ZEB2: variants seen among roughly 807,000 people sequenced by gnomAD.
ZEB2 encodes zinc finger E-box-binding homeobox 2.
ZEB2 carries 6 observed loss-of-function variants against 99.9 expected under a neutral mutation model. That is an observed-to-expected ratio of 0.06 (90% CI 0.03 to 0.12). ZEB2 has a LOEUF of 0.12. ZEB2 is among the 10% of genes least tolerant of loss of function. The probability of loss-of-function intolerance (pLI) is 1.00; values close to 1 mark genes in which losing one functional copy is unlikely to be tolerated. For missense variants in ZEB2, 969 were observed against 1,502.8 expected, an observed-to-expected ratio of 0.64 and a Z score of 5.87; for synonymous variants, 517 against 542.5, an observed-to-expected ratio of 0.95 and a Z score of 0.65.
In ZEB2 at chr2:144,404,963, T is replaced by A. The variant is rs1389589538; in HGVS notation, c.465A>T (p.Glu155Asp). 3 of 1,614,128 alleles carry A rather than the reference T, an allele frequency of 1.9e-6. No individual in the cohort carries two copies. Among genetic ancestry groups the A allele is most frequent in the East Asian group, 4.5e-5 (2 of 44,900 alleles). Residue 155 changes from glutamate (E) to aspartate (D), a missense_variant, in exon 5 of 10, where the codon GAA (glutamate) becomes GAT (aspartate). Glu to Asp is a conservative substitution (Grantham distance 45, BLOSUM62 2). Around this residue, in one of 8 missense-constraint regions of ZEB2, gnomAD observed 173 missense variants for 217.7 expected, o/e 0.79. Coordinates refer to ENST00000627532, the MANE Select transcript of ZEB2 (RefSeq NM_014795.4). ...CGATGCTGACTGCATGACCATCGCG[T>A]TCCTCCAGTTTTCTTTTGGCAAAGT... ...EEYFAKRKLE[E>D]RDGHAVSIEE...
rs1049356862 is a variant in ZEB2 at position 144,404,482 on chromosome 2, G to T, written c.593-352C>A. On this transcript the variant is annotated intron_variant, in intron 5 of 9. Transcript: ENST00000627532. ...TTACTCAGGAACTCACAGTGTGAAG[G>T]GGCGTTTCAGGTGTCGGTGGAGAAG... Among the ~76,000 whole-genome samples the T allele has an allele frequency of 2.0e-5, 3 of 152,034 alleles. No individual in the cohort carries two copies. The East Asian group carries it at 5.8e-4, about 29-fold the overall frequency.
intron 2 of ZEB2, among the ~76,000 whole-genome samples, chr2:144,445,522 G>T (rs1703971826): frequency 6.6e-6 from 1 of 151,984 alleles, no homozygotes; most frequent in South Asian, 2.1e-4. Flanking sequence ...TAGTTAAGCT[G>T]ATTACAGATA....
In ZEB2 at chr2:144,443,861, T is replaced by TA. The variant is rs78597039; in HGVS notation, c.74-13836dup. 3.0e-3 allele frequency among the ~76,000 whole-genome samples: 431 copies of TA among 142,828 alleles called. 1 individual carries two copies. Among genetic ancestry groups the TA allele is most frequent in the East Asian group, 9.4e-3 (47 of 4,994 alleles). 93.7% of individuals were successfully genotyped at this position (142,828 alleles called of 152,430 possible). ...AAGCAAGCTTTCTTGAAAATGTATT[T>TA]AAAAAAAAAAAAACAGTTTGTACTG... On this transcript the variant is annotated intron_variant, in intron 2 of 9. Transcript: ENST00000627532.
intron 2 of ZEB2, among the ~76,000 whole-genome samples, 166 bp downstream of exon 2, chr2:144,517,112 C>A (rs990681412): frequency 5.2e-4 from 79 of 150,638 alleles, no homozygotes; most frequent in Admixed American, 3.2e-3. Context: ...CCGGTCCAGC[C>A]GCCGCGCGCG....
chr2:144,439,133 GAAAAAAA>G (rs1174940162), intron 2 of ZEB2, among the ~76,000 whole-genome samples: 19 of 79,682 alleles, frequency 2.4e-4, no homozygotes, highest in African/African-American at 6.7e-4. Flanking sequence ...CTGGGAGGAA[GAAAAAAA>G]AAAAAAAAAA....
intron 4 of ZEB2, among the ~76,000 whole-genome samples, chr2:144,423,800 G>A (rs1214291211): frequency 6.6e-6 from 1 of 152,122 alleles, no homozygotes; most frequent in Non-Finnish European, 1.5e-5. Flanking sequence ...AACACAACAT[G>A]AGCAGTCTAT....
At chr2:144,424,358 G>A (rs534383333) in intron 4 of ZEB2, 36 of 518,348 alleles carry the variant, frequency 6.9e-5, no homozygotes, top group Non-Finnish European at 1.2e-4. Context: ...AGAAATGTTC[G>A]TGGAAATTTG....
rs1703057711 is a variant in ZEB2 at position 144,384,704 on chromosome 2, A to C, written c.*4747T>G. The C allele has an allele frequency of 6.6e-6, 1 of 152,028 alleles. No homozygotes were observed. Among genetic ancestry groups the C allele is most frequent in the South Asian group, 2.1e-4 (1 of 4,834 alleles). 9.4% of individuals were successfully genotyped at this position (152,028 alleles called of 1,614,324 possible). The stretch of plus-strand genomic sequence containing the variant: ...CTGCATGATTTACTAAATATGTACA[A>C]TTTCAATTCACAGCGAAGGTAACAA... On this transcript the variant is annotated 3_prime_UTR_variant, in exon 10 of 10. Transcript: ENST00000627532.
At chr2:144,440,763 A>G (rs2149895782) in intron 2 of ZEB2, among the ~76,000 whole-genome samples, 1 of 151,824 alleles carries the variant, frequency 6.6e-6, no homozygotes, top group East Asian at 1.9e-4. Context: ...CATTTTACAA[A>G]AGGATCCTGA....
intron 2 of ZEB2, among the ~76,000 whole-genome samples, chr2:144,479,805 T>C (rs1704484537): frequency 6.6e-6 from 1 of 152,094 alleles, no homozygotes; most frequent in Admixed American, 6.6e-5. Context: ...CAGTTTTTCT[T>C]TTCCCACGCT....
In ZEB2 at chr2:144,447,453, G is replaced by A. The variant is rs143411763; in HGVS notation, c.74-17427C>T. ...GATTTTGTTGAGGGCCTACAAATAT[G>A]CTCTTTATTATTTATTATTATCCCT... On this transcript the variant is annotated intron_variant, in intron 2 of 9. Transcript: ENST00000627532. Among the ~76,000 whole-genome samples, 15 of 152,166 alleles carry A rather than the reference G, an allele frequency of 9.9e-5. No individual in the cohort carries two copies. In the East Asian group the frequency reaches 2.7e-3, roughly 27 times the overall value.
At chr2:144,405,896 A>C (rs1483994318) in intron 4 of ZEB2, among the ~76,000 whole-genome samples, 1 of 152,252 alleles carries the variant, frequency 6.6e-6, no homozygotes, top group African/African-American at 2.4e-5. Flanking sequence ...TTCTGAAATA[A>C]GATGTGGCTT....
intron 1 of ZEB2, among the ~76,000 whole-genome samples, chr2:144,519,016 G>A (rs960064199): frequency 1.3e-5 from 2 of 152,124 alleles, no homozygotes; most frequent in African/African-American, 4.8e-5. Context: ...ATCAGTAGGT[G>A]GGAGATAAAC....
Position 144,399,096 on chromosome 2 carries a change from G to C in ZEB2, c.2091C>G (p.Val697=), listed in dbSNP as rs1368764692. The change falls in exon 8 of 10, where the codon GTC becomes GTG. Residue 697 remains valine, a synonymous_variant. Transcript: ENST00000627532. This position sits in a 1 kb window ranked among gnomAD's most constrained non-coding sequence, Gnocchi z 5.6. The part of the protein sequence containing the change: ...FVKEWFEQRK[V]YQYSNSRSPS... ...GGGACCTGGAATTTGAGTACTGGTA[G>C]ACTTTTCGTTGTTCAAACCATTCCT... The C allele has an allele frequency of 6.2e-7, 1 of 1,614,150 alleles. No individual in the cohort carries two copies. Among genetic ancestry groups the C allele is most frequent in the Non-Finnish European group, 8.5e-7 (1 of 1,180,024 alleles).
At chr2:144,513,330 T>G in intron 2 of ZEB2, 1 of 1,301,336 alleles carries the variant, frequency 7.7e-7, no homozygotes, top group Non-Finnish European at 1.0e-6. Context: ...AACATTCAAC[T>G]TGATCCCTGT....
chr2:144,397,816 T>C, intron 8 of ZEB2: 1 of 265,216 alleles, frequency 3.8e-6, no homozygotes, highest in Non-Finnish European at 7.5e-6. Context: ...AATTTTTGTA[T>C]TTTTAGGACA....
chr2:144,517,321 G>A lies in ZEB2; in HGVS notation c.30C>T (p.Pro10=), dbSNP rs747483109. The A allele has an allele frequency of 3.7e-6, 6 of 1,613,602 alleles. No homozygotes were observed. The highest frequency in any genetic ancestry group is 1.7e-5 in the Admixed American group (1 of 60,018). The change falls in exon 2 of 10, where the codon CCC becomes CCT. Residue 10 remains proline, a synonymous_variant. Coordinates refer to ENST00000627532, the MANE Select transcript of ZEB2 (RefSeq NM_014795.4). MKQPIMADG[P]RCKRRKQANP... ...TGGCTTGTTTGCGCCTCTTGCACCG[G>A]GGGCCATCCGCCATGATCGGCTGCT...
rs1026028425 is a variant in ZEB2 at position 144,416,218 on chromosome 2, T to C, written c.403+8578A>G. Among the ~76,000 whole-genome samples the C allele has an allele frequency of 7.2e-5, 11 of 152,248 alleles. No homozygotes were observed. The East Asian group carries it at 2.1e-3, about 29-fold the overall frequency. ...GTTTCCTAGTCCCTTTTACCCATTCTGATTTTATTTACCTCAGTTCACCTT... is the reference window on the plus strand; with the variant it reads ...GTTTCCTAGTCCCTTTTACCCATTCCGATTTTATTTACCTCAGTTCACCTT... On this transcript the variant is annotated intron_variant, in intron 4 of 9. Transcript: ENST00000627532.
intron 4 of ZEB2, among the ~76,000 whole-genome samples, chr2:144,422,518 G>A (rs1346915975): frequency 1.3e-5 from 2 of 152,204 alleles, no homozygotes; most frequent in Admixed American, 1.3e-4. Flanking sequence ...AATAATTATA[G>A]GCCAGGCGCA....
Sources: gnomAD v4.1 joint callset for allele counts (sites outside exome capture counted in the v4.1 genomes callset) on GRCh38, gnomAD v4.1.1 for gene constraint, gnomAD v4.1.1 regional missense constraint, Gnocchi (gnomAD v3.1) non-coding constraint, MANE v1.5 for transcripts, NCBI Gene and HGNC (gene_info 2026-07-23, HGNC 2026-07-21) for gene names.